Variants in SLIT2 observed in about 807,000 individuals in gnomAD.
The protein encoded by SLIT2 is slit guidance ligand 2, also known as slit homolog 2 protein.
In SLIT2, 41 loss-of-function variants were observed where a neutral mutation model predicts 185.7. The observed-to-expected ratio is 0.22, with a 90% CI of 0.17 to 0.29. The LOEUF (loss-of-function observed/expected upper bound fraction) is 0.29. Ranked by LOEUF, SLIT2 falls within the 10% of genes least tolerant of loss-of-function variation. SLIT2 has a pLI of 1.00. For missense variants in SLIT2, 1,571 were observed against 1,909.0 expected (o/e 0.82, Z 3.30); for synonymous variants, 693 against 680.2 (o/e 1.02, Z -0.29).
Position 20,390,911 on chromosome 4 carries a change from A to G in SLIT2, c.396-76841A>G, listed in dbSNP as rs142696936. On this transcript the variant is annotated intron_variant, in intron 4 of 36. Coordinates refer to ENST00000504154, the MANE Select transcript of SLIT2 (RefSeq NM_004787.4). ...TGAAATTCTTTGAAAGTTCATGATT[A>G]CTTTCAAGTTAAATTTCAAGTTCAT... Among the ~76,000 whole-genome samples, 236 of 152,110 alleles carry G rather than the reference A, an allele frequency of 1.6e-3. 1 individual carries two copies. The highest frequency in any genetic ancestry group is 0.015 in the South Asian group (70 of 4,822).
intron 4 of SLIT2, among the ~76,000 whole-genome samples, chr4:20,364,573 A>G (rs1722967956): frequency 6.6e-6 from 1 of 152,086 alleles, no homozygotes; most frequent in Non-Finnish European, 1.5e-5. Context: ...ATTTGGTGTA[A>G]TTATACTTAA....
At chr4:20,549,176 G>T in intron 24 of SLIT2, 48 bp downstream of exon 24, 1 of 1,148,024 alleles carries the variant, frequency 8.7e-7, no homozygotes. Flanking sequence ...AGAGATCTGA[G>T]TTTGGGGTTG....
intron 4 of SLIT2, among the ~76,000 whole-genome samples, chr4:20,381,916 T>C (rs78815456): frequency 2.3e-5 from 3 of 129,976 alleles, no homozygotes; most frequent in South Asian, 5.9e-4. Flanking sequence ...TATGTATTTG[T>C]ATAAATACAT....
intron 4 of SLIT2, among the ~76,000 whole-genome samples, chr4:20,440,833 G>T (rs1027404137): frequency 1.3e-5 from 2 of 152,016 alleles, no homozygotes; most frequent in Non-Finnish European, 2.9e-5. Context: ...TAACATTTGC[G>T]AGTGTGGTGG....
At chr4:20,373,363 A>G (rs1723750604) in intron 4 of SLIT2, among the ~76,000 whole-genome samples, 1 of 152,096 alleles carries the variant, frequency 6.6e-6, no homozygotes, top group African/African-American at 2.4e-5. Flanking sequence ...AATGTATGAA[A>G]TCATTTATAA....
intron 4 of SLIT2, among the ~76,000 whole-genome samples, chr4:20,374,698 A>T (rs1208049425): frequency 6.8e-6 from 1 of 147,508 alleles, no homozygotes; most frequent in Non-Finnish European, 1.5e-5. Flanking sequence ...CTTTGTCCCT[A>T]TTTACTGCTT....
intron 5 of SLIT2, among the ~76,000 whole-genome samples, chr4:20,480,401 C>T (rs1043782938): frequency 2.0e-5 from 3 of 152,082 alleles, no homozygotes; most frequent in African/African-American, 4.8e-5. Flanking sequence ...AGCAAGATGA[C>T]GCTGAAAGCT....
chr4:20,551,107 G>A (rs544360959), intron 25 of SLIT2, among the ~76,000 whole-genome samples: 40 of 152,254 alleles, frequency 2.6e-4, no homozygotes, highest in Admixed American at 2.0e-3. Context: ...TCCAGTAGTC[G>A]AATTATCTTT....
At chr4:20,530,749 C>G (rs1163008375) in intron 16 of SLIT2, among the ~76,000 whole-genome samples, 2 of 151,914 alleles carry the variant, frequency 1.3e-5, no homozygotes, top group Non-Finnish European at 2.9e-5. Context: ...TCTAATAAGG[C>G]ACATAATTCA....
chr4:20,608,984 A>G (rs762069662), intron 33 of SLIT2, among the ~76,000 whole-genome samples: 12 of 152,110 alleles, frequency 7.9e-5, no homozygotes, highest in Non-Finnish European at 1.6e-4. Flanking sequence ...CCATTATGCC[A>G]TGTTTTTCCT....
At chr4:20,344,280 G>C (rs1366799252) in intron 4 of SLIT2, among the ~76,000 whole-genome samples, 1 of 152,198 alleles carries the variant, frequency 6.6e-6, no homozygotes, top group Non-Finnish European at 1.5e-5. Flanking sequence ...TGACAATGAT[G>C]TAAGTGCTAT....
rs182381296 is a variant in SLIT2, at chr4:20,287,518, C to G, written c.395+18637C>G. ...TAACAGGGTTCATATTTATTTATCT[C>G]ATTATCACCTTAGGTCTTGGTCCTT... is the stretch of plus-strand genomic sequence containing the variant. On this transcript the variant is annotated intron_variant, in intron 4 of 36. Coordinates refer to ENST00000504154, the MANE Select transcript of SLIT2 (RefSeq NM_004787.4). Among the ~76,000 whole-genome samples, 372 of 152,304 alleles carry G rather than the reference C, an allele frequency of 2.4e-3. 2 individuals are homozygous for G. The highest frequency in any genetic ancestry group is 0.024 in the Middle Eastern group (7 of 294).
chr4:20,531,400 A>G lies in SLIT2; in HGVS notation c.1614-584A>G, dbSNP rs1364530861. On this transcript the variant is annotated intron_variant, in intron 16 of 36. Transcript: ENST00000504154. ...CATCTTACATGATTCCGTTTATGCA[A>G]AATGCCCAGACTAGGAAAATTAGTA... Among the ~76,000 whole-genome samples, 4 of 152,220 alleles carry G rather than the reference A, an allele frequency of 2.6e-5. No homozygotes were observed. In the South Asian group the frequency reaches 8.3e-4, roughly 32 times the overall value.
At chr4:20,471,317 A>G in intron 5 of SLIT2, among the ~76,000 whole-genome samples, 1 of 152,024 alleles carries the variant, frequency 6.6e-6, no homozygotes, top group East Asian at 1.9e-4. Context: ...AAAATATATT[A>G]TAACTGAGGG....
intron 4 of SLIT2, chr4:20,394,900 CTTTA>C (rs1468145673): frequency 6.6e-6 from 1 of 151,916 alleles, no homozygotes; most frequent in Non-Finnish European, 1.5e-5. Flanking sequence ...ATTTCTTTTT[CTTTA>C]TTTATCTCGA....
chr4:20,617,259 G>A, intron 35 of SLIT2, 61 bp downstream of exon 35: 1 of 993,850 alleles, frequency 1.0e-6, no homozygotes, highest in Non-Finnish European at 1.4e-6. Flanking sequence ...CAAACCAAAG[G>A]AAGGAAGGAA....
At position 20,511,056 on chromosome 4, in the gene SLIT2, C is replaced by T; in HGVS notation, c.987-10C>T. 6.4e-7 allele frequency: 1 copy of T among 1,568,734 alleles called. No homozygotes were observed. The highest frequency in any genetic ancestry group is 8.8e-7 in the Non-Finnish European group (1 of 1,139,516). On this transcript the variant is annotated splice_polypyrimidine_tract_variant and intron_variant, in intron 10 of 36. Coordinates refer to ENST00000504154, the MANE Select transcript of SLIT2 (RefSeq NM_004787.4). Reference sequence around the variant, plus strand: ...GATTGAATGTAACCTAACCCTATTTCTAATCTTAGTGACCTGAGCAATAAT... The same window carrying T: ...GATTGAATGTAACCTAACCCTATTTTTAATCTTAGTGACCTGAGCAATAAT...
chr4:20,344,251 G>C (rs909673626), intron 4 of SLIT2, among the ~76,000 whole-genome samples: 2 of 152,190 alleles, frequency 1.3e-5, no homozygotes, highest in African/African-American at 4.8e-5. Flanking sequence ...TGATGAGACA[G>C]ATACCCCTCT....
chr4:20,328,938 G>A (rs924497209), intron 4 of SLIT2, among the ~76,000 whole-genome samples: 68 of 152,064 alleles, frequency 4.5e-4, no homozygotes, highest in Non-Finnish European at 8.8e-5. Flanking sequence ...GGAAAGTGGG[G>A]AGAGAAGAGA....
Sources: gnomAD v4.1 joint callset for allele counts (sites outside exome capture counted in the v4.1 genomes callset) on GRCh38, gnomAD v4.1.1 for gene constraint, MANE v1.5 for transcripts, NCBI Gene and HGNC (gene_info 2026-07-23, HGNC 2026-07-21) for gene names.